ALG14: variants seen among roughly 807,000 people sequenced by gnomAD.
ALG14 encodes ALG14 UDP-N-acetylglucosaminyltransferase subunit, also known as UDP-N-acetylglucosamine transferase subunit ALG14.
ALG14 carries 17 observed loss-of-function variants against 22.8 expected under a neutral mutation model. The ratio of observed to expected loss-of-function variants is 0.75; its 90% CI spans 0.51 to 1.12. The LOEUF (loss-of-function observed/expected upper bound fraction) is 1.12. Ranked by LOEUF, ALG14 falls within the 50% of genes most tolerant of loss-of-function variation. The pLI is 0.00. For synonymous variants in ALG14, 89 were observed against 103.7 expected (o/e 0.86, Z 0.86); for missense variants, 288 against 271.8 (o/e 1.06, Z -0.42).
chr1:94,975,554 A>T lies in ALG14; in HGVS notation c.*7522T>A, dbSNP rs1297067966. On this transcript the variant is annotated 3_prime_UTR_variant, in exon 4 of 4. Coordinates refer to ENST00000370205, the MANE Select transcript of ALG14 (RefSeq NM_144988.4). ...GATAACCCTATGTTTGATTTTTGTG[A>T]AACTGCTGAACTGTTTTCCACAGCT... 2 of 152,160 alleles carry T rather than the reference A, an allele frequency of 1.3e-5. No individual in the cohort carries two copies. Among genetic ancestry groups the T allele is most frequent in the African/African-American group, 4.8e-5 (2 of 41,426 alleles). The allele number at this position is 152,160 out of a possible 1,614,324, so 9.4% of individuals were successfully genotyped here.
At position 95,038,278 on chromosome 1, in the gene ALG14, A is replaced by G. The variant is rs113769622; in HGVS notation, c.289-11018T>C. Among the ~76,000 whole-genome samples the G allele has an allele frequency of 3.8e-3, 578 of 152,308 alleles. 2 individuals are homozygous for G. The highest frequency in any genetic ancestry group is 0.013 in the African/African-American group (540 of 41,568). On this transcript the variant is annotated intron_variant, in intron 2 of 3. Coordinates refer to ENST00000370205, the MANE Select transcript of ALG14 (RefSeq NM_144988.4). Reference sequence around the variant, plus strand: ...CGAGGTGTTTGGATCACCTGAGGTCAGGAGTTTTGAGACCATCCTGGCCAA... The same window carrying G: ...CGAGGTGTTTGGATCACCTGAGGTCGGGAGTTTTGAGACCATCCTGGCCAA...
intron 3 of ALG14, among the ~76,000 whole-genome samples, chr1:94,995,297 T>C (rs1479278866): frequency 1.3e-5 from 2 of 152,126 alleles, no homozygotes; most frequent in Non-Finnish European, 2.9e-5. Flanking sequence ...GAGAGAGAGA[T>C]ACAGATATAC....
chr1:95,048,796 T>C (rs1674651976), intron 2 of ALG14, among the ~76,000 whole-genome samples: 1 of 150,872 alleles, frequency 6.6e-6, no homozygotes, highest in Non-Finnish European at 1.5e-5. Flanking sequence ...CAAATATCCT[T>C]TTTTTTTTTC....
At chr1:95,058,617 A>T (rs1222453690) in intron 2 of ALG14, among the ~76,000 whole-genome samples, 5 of 105,182 alleles carry the variant, frequency 4.8e-5, no homozygotes, top group African/African-American at 2.0e-4. Flanking sequence ...ATTCATTCTT[A>T]AAAAAAAAAA....
chr1:94,999,138 A>C (rs1672985607), intron 3 of ALG14, among the ~76,000 whole-genome samples: 1 of 152,122 alleles, frequency 6.6e-6, no homozygotes, highest in Non-Finnish European at 1.5e-5. Flanking sequence ...GTCTTTAAAA[A>C]CTATGAAACA....
intron 3 of ALG14, among the ~76,000 whole-genome samples, chr1:95,010,837 A>G (rs1673342225): frequency 6.6e-6 from 1 of 152,044 alleles, no homozygotes. Context: ...CTAGAAGAGG[A>G]AAAAAAAGCC....
intron 3 of ALG14, among the ~76,000 whole-genome samples, chr1:94,992,983 G>T (rs1286264813): frequency 6.6e-6 from 1 of 151,464 alleles, no homozygotes. Context: ...GTACTGTGTG[G>T]AACAAAGGCC....
intron 2 of ALG14, among the ~76,000 whole-genome samples, chr1:95,052,386 C>T (rs1674777296): frequency 6.6e-6 from 1 of 152,010 alleles, no homozygotes; most frequent in African/African-American, 2.4e-5. Context: ...AAATACTACA[C>T]AATAATATGT....
At chr1:95,019,751 T>C (rs1429589658) in intron 3 of ALG14, among the ~76,000 whole-genome samples, 1 of 151,998 alleles carries the variant, frequency 6.6e-6, no homozygotes, top group African/African-American at 2.4e-5. Context: ...GAGGCCAAGG[T>C]GGGTGGATCA....
At chr1:95,062,049 A>G (rs189220957) in intron 2 of ALG14, 1 of 152,322 alleles carries the variant, frequency 6.6e-6, no homozygotes, top group Non-Finnish European at 1.5e-5. Flanking sequence ...AAGAAGTACT[A>G]ATAATTTCAA....
In ALG14 at chr1:94,981,881, T is replaced by C. The variant is rs1672503174; in HGVS notation, c.*1195A>G. On this transcript the variant is annotated 3_prime_UTR_variant, in exon 4 of 4. Coordinates refer to ENST00000370205, the MANE Select transcript of ALG14 (RefSeq NM_144988.4). ...CAGAGGGTCTAAAATATAAGTTCATTGTTTAAAAAAATATTCAGAAGTTCA... is the reference window on the plus strand; with the variant it reads ...CAGAGGGTCTAAAATATAAGTTCATCGTTTAAAAAAATATTCAGAAGTTCA... 1 of 151,522 alleles carries C rather than the reference T, an allele frequency of 6.6e-6. No individual in the cohort carries two copies. The highest frequency in any genetic ancestry group is 1.5e-5 in the Non-Finnish European group (1 of 67,992). The allele number at this position is 151,522 out of a possible 1,614,324, so 9.4% of individuals were successfully genotyped here.
intron 3 of ALG14, among the ~76,000 whole-genome samples, chr1:95,005,590 CT>C (rs1673194845): frequency 6.6e-6 from 1 of 152,134 alleles, no homozygotes; most frequent in Non-Finnish European, 1.5e-5. Flanking sequence ...GTTTGAGATA[CT>C]TGGGAAGCAG....
chr1:95,068,467 T>C (rs567977666), intron 1 of ALG14, among the ~76,000 whole-genome samples: 1 of 152,226 alleles, frequency 6.6e-6, no homozygotes, highest in Admixed American at 6.5e-5. Context: ...TTTTGTATTT[T>C]TTAGTAGAGA....
chr1:94,996,971 C>A (rs980082911), intron 3 of ALG14, among the ~76,000 whole-genome samples: 2 of 152,154 alleles, frequency 1.3e-5, no homozygotes, highest in Non-Finnish European at 2.9e-5. Flanking sequence ...GTGTAAGCCA[C>A]CGCACCCAGC....
At chr1:95,018,346 G>A (rs987164729) in intron 3 of ALG14, among the ~76,000 whole-genome samples, 4 of 151,918 alleles carry the variant, frequency 2.6e-5, no homozygotes, top group Non-Finnish European at 5.9e-5. Context: ...GACCAGCCTG[G>A]CCAACATGGT....
At position 94,974,890 on chromosome 1, in the gene ALG14, C is replaced by T. The variant is rs115716521; in HGVS notation, c.*8186G>A. ...AGCCTCAGCTGGGAAGACCAGAAAG[C>T]CTGGAGTGACTCAAATGGCAGGGCT... On this transcript the variant is annotated 3_prime_UTR_variant, in exon 4 of 4. Coordinates refer to ENST00000370205, the MANE Select transcript of ALG14 (RefSeq NM_144988.4). The T allele has an allele frequency of 1.3e-5, 2 of 152,188 alleles. No homozygotes were observed. Among genetic ancestry groups the T allele is most frequent in the Non-Finnish European group, 1.5e-5 (1 of 68,056 alleles). 9.4% of individuals were successfully genotyped at this position (152,188 alleles called of 1,614,324 possible).
At chr1:95,064,173 T>C (rs1481429445) in intron 2 of ALG14, among the ~76,000 whole-genome samples, 1 of 152,086 alleles carries the variant, frequency 6.6e-6, no homozygotes, top group Non-Finnish European at 1.5e-5. Context: ...GCTTAAGAAG[T>C]TTTTGGGCTG....
chr1:95,070,095 G>A (rs1374385729), intron 1 of ALG14, among the ~76,000 whole-genome samples: 1 of 152,046 alleles, frequency 6.6e-6, no homozygotes, highest in African/African-American at 2.4e-5. Context: ...TTGACGGTAG[G>A]TCATAAGACC....
intron 3 of ALG14, among the ~76,000 whole-genome samples, chr1:94,993,582 G>A (rs572448279): frequency 3.3e-5 from 5 of 152,100 alleles, no homozygotes; most frequent in Admixed American, 2.0e-4. Flanking sequence ...CCCCTACTCA[G>A]GATCTGCAGT....
Sources: allele counts gnomAD v4.1 joint callset (sites outside exome capture counted in the v4.1 genomes callset), GRCh38; gene constraint gnomAD v4.1.1; transcripts MANE v1.5; gene names NCBI Gene and HGNC (gene_info 2026-07-23, HGNC 2026-07-21).